FAM3A: variants seen among roughly 807,000 people sequenced by gnomAD.
FAM3A encodes FAM3 metabolism regulating signaling molecule A.
FAM3A carries 5 observed loss-of-function variants against 18.1 expected under a neutral mutation model. The observed-to-expected ratio is 0.28, with a 90% CI of 0.14 to 0.58. FAM3A has a LOEUF of 0.58. Ranked by LOEUF, FAM3A falls within the 20% of genes least tolerant of loss-of-function variation. FAM3A has a pLI of 0.91. For missense variants in FAM3A, 154 were observed against 216.6 expected, an observed-to-expected ratio of 0.71 and a Z score of 1.81; for synonymous variants, 108 against 90.2, an observed-to-expected ratio of 1.20 and a Z score of -1.12.
intron 2 of FAM3A, among the ~76,000 whole-genome samples, chrX:154,512,109 C>T (rs782754796): frequency 4.5e-5 from 5 of 109,988 alleles, no homozygotes; most frequent in African/African-American, 1.7e-4. Context: ...ATGACCTGGC[C>T]GGGCATAGTG....
Position 154,506,510 on chromosome X carries a change from G to C in FAM3A, c.*301C>G, listed in dbSNP as rs1452521002. 1 of 317,337 alleles carries C rather than the reference G, an allele frequency of 3.2e-6. No individual in the cohort carries two copies. The allele number at this position is 317,337 out of a possible 1,213,427, so 26.2% of individuals were successfully genotyped here. ...CGTTCCAGGACTCAAGATGGGGATG[G>C]AGATGGCGTGAGGAATGGAGGACAG... On this transcript the variant is annotated 3_prime_UTR_variant, in exon 9 of 9. Coordinates refer to ENST00000447601, the MANE Select transcript of FAM3A (RefSeq NM_021806.4).
intron 1 of FAM3A, among the ~76,000 whole-genome samples, chrX:154,515,003 A>G (rs1345974190): frequency 9.2e-6 from 1 of 109,071 alleles, no homozygotes; most frequent in East Asian, 2.9e-4. Flanking sequence ...TTTTTTTAGT[A>G]GAGATGAGGA....
At chrX:154,506,938 T>C (rs1557218854) in intron 8 of FAM3A, 32 bp from the exon 9 acceptor site, 1 of 1,146,389 alleles carries the variant, frequency 8.7e-7, no homozygotes, top group Admixed American at 2.2e-5. Context: ...GTCATGACTT[T>C]GGCCCTCAGG....
At chrX:154,512,392 T>C (rs1168547198) in intron 2 of FAM3A, 3 of 236,586 alleles carry the variant, frequency 1.3e-5, no homozygotes, top group Non-Finnish European at 2.3e-5. Context: ...TGAACCGAGA[T>C]TGCACCACTG....
In FAM3A at chrX:154,508,499, G is replaced by GC. The variant is rs1356131784; in HGVS notation, c.249dup (p.Pro84AlafsTer41). 8.3e-7 allele frequency: 1 copy of GC among 1,207,172 alleles called. No individual in the cohort carries two copies. Among genetic ancestry groups the GC allele is most frequent in the African/African-American group, 1.7e-5 (1 of 57,466 alleles). On this transcript the variant is annotated frameshift_variant, in exon 4 of 9. Coordinates refer to ENST00000447601, the MANE Select transcript of FAM3A (RefSeq NM_021806.4). LOFTEE classifies it high-confidence loss of function. Reference sequence around the variant, plus strand: ...ATCTTGTCCTCGAGGCAGATCTTGGGCCCAATGACGTTGGCGGCCCCGCTG... The same window carrying GC: ...ATCTTGTCCTCGAGGCAGATCTTGGGCCCCAATGACGTTGGCGGCCCCGCTG...
Position 154,508,592 on chromosome X carries a change from G to A in FAM3A, c.157C>T (p.Arg53Trp), listed in dbSNP as rs369786600. The change falls in exon 4 of 9, where the codon CGG becomes TGG. Residue 53 changes from arginine (R) to tryptophan (W), a missense_variant. This residue lies in a region of FAM3A where 112 missense variants were observed against 160.0 expected (regional missense o/e 0.70). Transcript: ENST00000447601. ...AGGCCACACTTGTACTTCCTGGCCC[G>A]TGGCGCTGGGCAGGGATAGCAGGTG... ...SPESSVTAAP[R>W]ARKYKCGLPQ... is the part of the protein sequence containing the mutation. 1.2e-5 allele frequency: 14 copies of A among 1,187,906 alleles called. No individual in the cohort carries two copies. The highest frequency in any genetic ancestry group is 4.7e-5 in the Admixed American group (2 of 42,220).
intron 2 of FAM3A, chrX:154,512,177 T>TTC: frequency 3.7e-6 from 1 of 269,732 alleles, no homozygotes; most frequent in Non-Finnish European, 6.4e-6. Context: ...AGCCCAGGAG[T>TTC]TTGAGACCAG....
At chrX:154,506,963 G>A (rs2069568282) in intron 8 of FAM3A, 57 bp from the exon 9 acceptor site, 4 of 1,045,594 alleles carry the variant, frequency 3.8e-6, no homozygotes, top group East Asian at 3.1e-5. Context: ...GGGGACAGGA[G>A]TGGACCAGGA....
rs1368570291 is a variant in FAM3A at position 154,506,516 on chromosome X, G to T, written c.*295C>A. 1.5e-5 allele frequency: 5 copies of T among 325,647 alleles called. No individual in the cohort carries two copies. The highest frequency in any genetic ancestry group is 1.3e-4 in the African/African-American group (5 of 38,060). The allele number at this position is 325,647 out of a possible 1,213,427, so 26.8% of individuals were successfully genotyped here. The stretch of plus-strand genomic sequence containing the variant: ...AGGACTCAAGATGGGGATGGAGATG[G>T]CGTGAGGAATGGAGGACAGGGCTAG... On this transcript the variant is annotated 3_prime_UTR_variant, in exon 9 of 9. Coordinates refer to ENST00000447601, the MANE Select transcript of FAM3A (RefSeq NM_021806.4).
intron 1 of FAM3A, among the ~76,000 whole-genome samples, chrX:154,514,795 C>G (rs937639243): frequency 8.9e-6 from 1 of 112,287 alleles, no homozygotes; most frequent in African/African-American, 3.2e-5. Flanking sequence ...GTGATCCACC[C>G]GCCTTGGCCT....
In FAM3A at chrX:154,512,956, A is replaced by G; in HGVS notation, c.14-20T>C. 4.5e-6 allele frequency: 5 copies of G among 1,109,221 alleles called. No individual in the cohort carries two copies. The highest frequency in any genetic ancestry group is 6.2e-6 in the Non-Finnish European group (5 of 802,966). 91.4% of individuals were successfully genotyped at this position (1,109,221 alleles called of 1,213,427 possible). Reference sequence around the variant, plus strand: ...GAGGGCCTGGAGGCAGGATAGACACAGGGTGGGGTCACCTCAGATACCAGC... The same window carrying G: ...GAGGGCCTGGAGGCAGGATAGACACGGGGTGGGGTCACCTCAGATACCAGC... On this transcript the variant is annotated intron_variant, in intron 1 of 8. Transcript: ENST00000447601.
At chrX:154,509,346 G>A (rs902907003) in intron 3 of FAM3A, 1 of 113,579 alleles carries the variant, frequency 8.8e-6, no homozygotes, top group South Asian at 3.6e-4. Flanking sequence ...ACGCCCTGCT[G>A]ACACTTTGAT....
Position 154,506,493 on chromosome X carries a change from G to C in FAM3A, c.*318C>G. The C allele has an allele frequency of 6.8e-6, 2 of 293,023 alleles. No homozygotes were observed. Among genetic ancestry groups the C allele is most frequent in the Non-Finnish European group, 1.2e-5 (2 of 161,259 alleles). 24.1% of individuals were successfully genotyped at this position (293,023 alleles called of 1,213,427 possible). ...GGGCAGGCACCCAGGGCCGTTCCAG[G>C]ACTCAAGATGGGGATGGAGATGGCG... is the stretch of plus-strand genomic sequence containing the variant. On this transcript the variant is annotated 3_prime_UTR_variant, in exon 9 of 9. Coordinates refer to ENST00000447601, the MANE Select transcript of FAM3A (RefSeq NM_021806.4).
Position 154,506,750 on chromosome X carries a change from C to T in FAM3A, c.*61G>A, listed in dbSNP as rs912600750. On this transcript the variant is annotated 3_prime_UTR_variant, in exon 9 of 9. Transcript: ENST00000447601. ...GTGTGAGCCTCAGCCTCTGTCCGCC[C>T]GGCAGCGCGCGTGCCTCCCTTGGTC... 1.1e-5 allele frequency: 11 copies of T among 987,135 alleles called. No individual in the cohort carries two copies. Among genetic ancestry groups the T allele is most frequent in the African/African-American group, 5.6e-5 (3 of 53,186 alleles). The allele number at this position is 987,135 out of a possible 1,213,427, so 81.4% of individuals were successfully genotyped here.
chrX:154,513,557 G>C (rs967866613), intron 1 of FAM3A, among the ~76,000 whole-genome samples: 1 of 111,007 alleles, frequency 9.0e-6, no homozygotes, highest in East Asian at 2.8e-4. Context: ...TTGAACCTGG[G>C]TGGCGGAGGT....
intron 5 of FAM3A, among the ~76,000 whole-genome samples, chrX:154,508,067 A>T (rs1317057943): frequency 8.9e-6 from 1 of 112,889 alleles, no homozygotes; most frequent in African/African-American, 3.2e-5. Flanking sequence ...CTCTCCATGA[A>T]GCACCCTCAA....
In FAM3A at chrX:154,506,712, G is replaced by A. The variant is rs2069543152; in HGVS notation, c.*99C>T. On this transcript the variant is annotated 3_prime_UTR_variant, in exon 9 of 9. Transcript: ENST00000447601. Reference sequence around the variant, plus strand: ...TGTGTTGGGGCCAGGGAGCGCTCCTGCCCGGGTGTGGGGTGTGAGCCTCAG... The same window carrying A: ...TGTGTTGGGGCCAGGGAGCGCTCCTACCCGGGTGTGGGGTGTGAGCCTCAG... 1.5e-6 allele frequency: 1 copy of A among 666,058 alleles called. No individual in the cohort carries two copies. The highest frequency in any genetic ancestry group is 2.1e-5 in the African/African-American group (1 of 46,648). The allele number at this position is 666,058 out of a possible 1,213,427, so 54.9% of individuals were successfully genotyped here. A position where few individuals can be genotyped will look rare whatever the true frequency, so the allele number is the denominator to read the frequency against.
chrX:154,506,606 GTGCGGCAGGGCTACCCCC>G lies in FAM3A; in HGVS notation c.*187_*204del. 2 of 426,879 alleles carry G rather than the reference GTGCGGCAGGGCTACCCCC, an allele frequency of 4.7e-6. No individual in the cohort carries two copies. Among genetic ancestry groups the G allele is most frequent in the Admixed American group, 4.1e-5 (1 of 24,520 alleles). The allele number at this position is 426,879 out of a possible 1,213,427, so 35.2% of individuals were successfully genotyped here. A position where few individuals can be genotyped will look rare whatever the true frequency, so the allele number is the denominator to read the frequency against. On this transcript the variant is annotated 3_prime_UTR_variant, in exon 9 of 9. Coordinates refer to ENST00000447601, the MANE Select transcript of FAM3A (RefSeq NM_021806.4). Reference sequence around the variant, plus strand: ...GGGTACCCTGGGCTCCCGTGACAAAGTGCGGCAGGGCTACCCCCTGCAGCCCCCATAGCCCCCACCACC... The same window carrying G: ...GGGTACCCTGGGCTCCCGTGACAAAGTGCAGCCCCCATAGCCCCCACCACC...
Position 154,507,489 on chromosome X carries a change from A to G in FAM3A, c.387T>C (p.Asp129=), listed in dbSNP as rs1569555658. 9.1e-6 allele frequency: 11 copies of G among 1,208,751 alleles called. No individual in the cohort carries two copies. The East Asian group carries it at 3.0e-4, about 32-fold the overall frequency. Residue 129 remains aspartate, a splice_region_variant and synonymous_variant, in exon 7 of 9, where the codon GAT becomes GAC. Coordinates refer to ENST00000447601, the MANE Select transcript of FAM3A (RefSeq NM_021806.4). ...EARAFDMWAG[D]VNDLLKFIRP... is the part of the protein sequence containing the mutation. ...GAATAAACTTCAACAGGTCGTTGAC[A>G]TCTGGGGGGGCAGGTGCCACGGAAC...
Sources: allele counts gnomAD v4.1 joint callset (sites outside exome capture counted in the v4.1 genomes callset), GRCh38; gene constraint gnomAD v4.1.1; regional missense constraint gnomAD v4.1.1; transcripts MANE v1.5; gene names NCBI Gene and HGNC (gene_info 2026-07-23, HGNC 2026-07-21).